The following DNAH7 variants were observed in gnomAD, a reference collection of about 807,000 sequenced individuals.
DNAH7 encodes the protein dynein axonemal heavy chain 7, also known as axonemal beta dynein heavy chain 7.
Under a neutral mutation model 444.6 loss-of-function variants are expected in DNAH7, and 397 were observed. The observed-to-expected ratio is 0.89, with a 90% CI of 0.82 to 0.97. DNAH7 has a LOEUF of 0.97. Among genes scored for constraint, DNAH7 ranks in the 50% least tolerant of loss-of-function variants. The pLI is 0.00. For missense variants in DNAH7, 4,902 were observed against 4,800.8 expected, an observed-to-expected ratio of 1.02 and a Z score of -0.62; for synonymous variants, 1,636 against 1,624.4, an observed-to-expected ratio of 1.01 and a Z score of -0.17.
intron 41 of DNAH7, among the ~76,000 whole-genome samples, chr2:195,863,217 T>C (rs962276328): frequency 5.3e-5 from 8 of 152,248 alleles, no homozygotes; most frequent in Non-Finnish European, 1.2e-4. Flanking sequence ...CAGAATTCAA[T>C]AAATGTTTTG....
intron 61 of DNAH7, among the ~76,000 whole-genome samples, chr2:195,761,041 A>ATCTGTATG (rs1694324419): frequency 6.6e-6 from 1 of 152,174 alleles, no homozygotes; most frequent in Non-Finnish European, 1.5e-5. Context: ...GACCTTGCAG[A>ATCTGTATG]CAGAGAATTC....
Position 195,794,529 on chromosome 2 carries a change from G to A in DNAH7, c.10525C>T (p.Pro3509Ser), listed in dbSNP as rs1559101502. The A allele has an allele frequency of 3.1e-6, 5 of 1,613,938 alleles. No individual in the cohort carries two copies. Among genetic ancestry groups the A allele is most frequent in the Non-Finnish European group, 4.2e-6 (5 of 1,179,942 alleles). ...TLEKVCEELSPESTHPDFRMW... is the reference protein window; with the variant it reads ...TLEKVCEELSSESTHPDFRMW... ...CGGAAATCTGGATGTGTTGACTCTG[G>A]GCTTAACTCCTGTAAGAAAATAAAT... The change falls in exon 57 of 65, where the codon CCA (proline) becomes TCA (serine). Residue 3509 changes from proline to serine, a missense_variant. Pro to Ser is a moderately conservative substitution (Grantham distance 74). Coordinates refer to ENST00000312428, the MANE Select transcript of DNAH7 (RefSeq NM_018897.3).
Position 195,834,263 on chromosome 2 carries a change from G to A in DNAH7, c.9043C>T (p.Leu3015Phe), listed in dbSNP as rs1332887884. The change falls in exon 48 of 65, where the codon CTT becomes TTT. Residue 3015 changes from leucine (L) to phenylalanine (F), a missense_variant. Coordinates refer to ENST00000312428, the MANE Select transcript of DNAH7 (RefSeq NM_018897.3). The part of the protein sequence containing the change: ...EKANSLYVIK[L>F]SEPDYVRTLE... ...GTCCTGACATAGTCAGGTTCACTAA[G>A]TTTAATCACATAAAGACTATTGGCT... is the stretch of plus-strand genomic sequence containing the variant. The A allele has an allele frequency of 6.2e-7, 1 of 1,609,252 alleles. No homozygotes were observed. The highest frequency in any genetic ancestry group is 8.5e-7 in the Non-Finnish European group (1 of 1,176,222).
chr2:195,864,477 T>G lies in DNAH7; in HGVS notation c.7178A>C (p.Gln2393Pro), dbSNP rs1226892348. 2.5e-6 allele frequency: 4 copies of G among 1,614,114 alleles called. No homozygotes were observed. Among genetic ancestry groups the G allele is most frequent in the Non-Finnish European group, 3.4e-6 (4 of 1,180,044 alleles). Residue 2393 changes from glutamine to proline, a missense_variant, in exon 41 of 65, where the codon CAG becomes CCG. By Grantham distance (76) the Gln-to-Pro change is moderately conservative. Transcript: ENST00000312428. ...AGTATCTGTAAACAGGAAGACACCC[T>G]GCATCTCACCTTCCGCACATTTCCT... ...ILRKCAEGEM[Q>P]GVFLFTDTQI...
At chr2:195,768,003 T>C (rs2105933181) in intron 61 of DNAH7, among the ~76,000 whole-genome samples, 1 of 151,820 alleles carries the variant, frequency 6.6e-6, no homozygotes, top group South Asian at 2.1e-4. Flanking sequence ...GATAAAAATA[T>C]TACATTTAGG....
At chr2:195,925,759 A>T (rs534826849) in intron 22 of DNAH7, among the ~76,000 whole-genome samples, 1 of 152,350 alleles carries the variant, frequency 6.6e-6, no homozygotes, top group South Asian at 2.1e-4. Context: ...TTATGATTTT[A>T]AACTACAGAT....
intron 53 of DNAH7, among the ~76,000 whole-genome samples, chr2:195,807,975 T>C (rs977092805): frequency 3.9e-5 from 6 of 152,150 alleles, no homozygotes; most frequent in Admixed American, 6.6e-5. Context: ...AAATAAAGTA[T>C]AGGTTAACCA....
Position 195,883,891 on chromosome 2 carries a change from A to C in DNAH7, c.5763+694T>G, listed in dbSNP as rs548351114. 8.5e-5 allele frequency among the ~76,000 whole-genome samples: 13 copies of C among 152,310 alleles called. No individual in the cohort carries two copies. In the East Asian group the frequency reaches 2.3e-3, roughly 27 times the overall value. On this transcript the variant is annotated intron_variant, in intron 35 of 64. Transcript: ENST00000312428. ...CAAAGTAGTACTTATAAAAGTGAGA[A>C]TCTAAAAACAACAAAAACAGTCCAA...
At chr2:195,946,888 G>C (rs1689847454) in intron 19 of DNAH7, among the ~76,000 whole-genome samples, 1 of 151,960 alleles carries the variant, frequency 6.6e-6, no homozygotes, top group Non-Finnish European at 1.5e-5. Flanking sequence ...ACAGAAGACT[G>C]AGGATTTGAA....
chr2:195,836,239 C>G (rs1372943494), intron 47 of DNAH7, among the ~76,000 whole-genome samples: 5 of 152,096 alleles, frequency 3.3e-5, no homozygotes, highest in Non-Finnish European at 7.4e-5. Context: ...TGTTCAGGGC[C>G]AGCATGGTGG....
intron 15 of DNAH7, among the ~76,000 whole-genome samples, chr2:195,983,192 T>C (rs571612539): frequency 1.4e-4 from 22 of 152,184 alleles, no homozygotes; most frequent in Non-Finnish European, 2.9e-4. Context: ...CTTAATGTTA[T>C]AAGAATGAAA....
chr2:195,985,206 A>G (rs934666761), intron 14 of DNAH7, among the ~76,000 whole-genome samples: 1 of 151,644 alleles, frequency 6.6e-6, no homozygotes, highest in East Asian at 2.1e-4. Flanking sequence ...TTATTTTGGC[A>G]TACAGAAAAA....
rs377125374 is a variant in DNAH7 at position 195,882,015 on chromosome 2, T to A, written c.5764-23A>T. 25 of 1,589,964 alleles carry A rather than the reference T, an allele frequency of 1.6e-5. No homozygotes were observed. The African/African-American group carries it at 3.1e-4, about 20-fold the overall frequency. On this transcript the variant is annotated intron_variant, in intron 35 of 64. Coordinates refer to ENST00000312428, the MANE Select transcript of DNAH7 (RefSeq NM_018897.3). ...TCCCTGTTTATAATTAACAACCAAG[T>A]AATGAATGCTATAAAATACTTTAAA...
chr2:195,873,235 G>C (rs1322681737), intron 39 of DNAH7, among the ~76,000 whole-genome samples: 2 of 152,168 alleles, frequency 1.3e-5, no homozygotes, highest in Non-Finnish European at 2.9e-5. Context: ...CTCAGACTTG[G>C]ACACGAATAC....
In DNAH7 at chr2:195,791,464, T is replaced by C. The variant is rs533680044; in HGVS notation, c.10716+2874A>G. Among the ~76,000 whole-genome samples, 7 of 151,768 alleles carry C rather than the reference T, an allele frequency of 4.6e-5. No homozygotes were observed. In the East Asian group the frequency reaches 1.4e-3, roughly 29 times the overall value. On this transcript the variant is annotated intron_variant, in intron 57 of 64. Coordinates refer to ENST00000312428, the MANE Select transcript of DNAH7 (RefSeq NM_018897.3). ...TGCTTATACACTGTTGGTAGGAATG[T>C]AAATTAATTTAGCCACTGTGGAAAG...
At chr2:195,815,427 TCTTA>T (rs1420887818) in intron 51 of DNAH7, among the ~76,000 whole-genome samples, 2 of 151,978 alleles carry the variant, frequency 1.3e-5, no homozygotes, top group Non-Finnish European at 2.9e-5. Context: ...AAATAATAAA[TCTTA>T]CTAACAAAAA....
chr2:195,891,698 T>A lies in DNAH7; in HGVS notation c.5003A>T (p.Asp1668Val), dbSNP rs1461492897. 14 of 1,604,724 alleles carry A rather than the reference T, an allele frequency of 8.7e-6. No individual in the cohort carries two copies. The Admixed American group carries it at 2.4e-4, about 27-fold the overall frequency. Residue 1668 changes from aspartate (D) to valine (V), a missense_variant, in exon 31 of 65, where the codon GAT becomes GTT. Asp to Val is a radical substitution (Grantham distance 152). Coordinates refer to ENST00000312428, the MANE Select transcript of DNAH7 (RefSeq NM_018897.3). ...TCTAAAACTGACAGCAAGGACCCCA[T>A]CAGACCATTCATGGGACACTGAATC... ...QFDSVSHEWS[D>V]GVLAVSFRAF... is the part of the protein sequence containing the mutation.
chr2:195,929,689 T>C, intron 21 of DNAH7, among the ~76,000 whole-genome samples: 1 of 152,176 alleles, frequency 6.6e-6, no homozygotes, highest in East Asian at 1.9e-4. Context: ...AATGAAACTT[T>C]ACCCCCAACT....
chr2:195,764,609 G>A (rs981531993), intron 61 of DNAH7, among the ~76,000 whole-genome samples: 2 of 151,846 alleles, frequency 1.3e-5, no homozygotes, highest in Admixed American at 6.6e-5. Flanking sequence ...ATCTGAAAAG[G>A]AAATCAAGAA....
Sources: allele counts gnomAD v4.1 joint callset (sites outside exome capture counted in the v4.1 genomes callset), GRCh38; gene constraint gnomAD v4.1.1; transcripts MANE v1.5; gene names NCBI Gene and HGNC (gene_info 2026-07-23, HGNC 2026-07-21).